Variants in PDE4D observed in about 807,000 individuals in gnomAD.
PDE4D encodes the protein 3',5'-cyclic-AMP phosphodiesterase 4D.
Under a neutral mutation model 87.4 loss-of-function variants are expected in PDE4D, and 24 were observed. The observed-to-expected ratio is 0.27, with a 90% CI of 0.20 to 0.39. The LOEUF (loss-of-function observed/expected upper bound fraction) is 0.39, where lower values mean the gene tolerates loss of function less well. Ranked by LOEUF, PDE4D falls within the 10% of genes least tolerant of loss-of-function variation. The pLI, the probability that PDE4D is intolerant of heterozygous loss-of-function variation, is 1.00. For synonymous variants in PDE4D, 384 were observed against 383.2 expected, an observed-to-expected ratio of 1.00 and a Z score of -0.02; for missense variants, 714 against 1,041.0, an observed-to-expected ratio of 0.69 and a Z score of 4.32.
intron 1 of PDE4D, among the ~76,000 whole-genome samples, chr5:59,311,981 A>G (rs1000839433): frequency 6.6e-6 from 1 of 151,818 alleles, no homozygotes. Context: ...AGGAAAAACT[A>G]CCTCCTCCTT....
intron 6 of PDE4D, among the ~76,000 whole-genome samples, chr5:59,001,426 C>T (rs1750513384): frequency 6.6e-6 from 1 of 152,148 alleles, no homozygotes; most frequent in Non-Finnish European, 1.5e-5. Flanking sequence ...TTCTATTGGC[C>T]TTTAGCTGCT....
At chr5:59,191,048 C>CTA (rs1744186928) in intron 3 of PDE4D, among the ~76,000 whole-genome samples, 1 of 152,112 alleles carries the variant, frequency 6.6e-6, no homozygotes, top group South Asian at 2.1e-4. Flanking sequence ...TCAGATATGC[C>CTA]TATAAATTAT....
chr5:59,175,503 A>T (rs1321918309), intron 5 of PDE4D, among the ~76,000 whole-genome samples: 24 of 95,594 alleles, frequency 2.5e-4, no homozygotes, highest in Admixed American at 6.7e-4. Context: ...TTTTTTTGAG[A>T]CGGTGTCTCA....
intron 5 of PDE4D, among the ~76,000 whole-genome samples, chr5:59,072,427 T>C (rs562263308): frequency 1.3e-5 from 2 of 152,318 alleles, no homozygotes; most frequent in Non-Finnish European, 2.9e-5. Flanking sequence ...CCTTGTGTTA[T>C]CATGAACACA....
chr5:58,988,649 G>A, intron 10 of PDE4D, 57 bp from the exon 11 acceptor site: 1 of 716,096 alleles, frequency 1.4e-6, no homozygotes, highest in Admixed American at 3.4e-5. Context: ...TGAATTAAAA[G>A]TATAAACAAA....
intron 1 of PDE4D, among the ~76,000 whole-genome samples, chr5:59,684,329 A>AT (rs1580395877): frequency 6.6e-6 from 1 of 151,938 alleles, no homozygotes; most frequent in South Asian, 2.1e-4. Context: ...ATGTTTTATC[A>AT]TTTTTTTCTG....
At chr5:60,396,513 T>C (rs1212507705) in intron 1 of PDE4D, among the ~76,000 whole-genome samples, 1 of 152,194 alleles carries the variant, frequency 6.6e-6, no homozygotes, top group East Asian at 1.9e-4. Context: ...AACTCCTTTT[T>C]TTTATTCTTT....
At chr5:59,853,652 T>C (rs1057006842) in intron 1 of PDE4D, among the ~76,000 whole-genome samples, 8 of 152,050 alleles carry the variant, frequency 5.3e-5, no homozygotes, top group Admixed American at 5.3e-4. Flanking sequence ...AAACTATAAA[T>C]GTATGCTCAA....
chr5:58,996,553 G>A (rs1749275199), intron 6 of PDE4D, among the ~76,000 whole-genome samples: 1 of 152,074 alleles, frequency 6.6e-6, no homozygotes, highest in South Asian at 2.1e-4. Flanking sequence ...AGGAACTGCT[G>A]CCCTCCTTGC....
chr5:60,463,667 T>C (rs1343591009), intron 1 of PDE4D, among the ~76,000 whole-genome samples: 2 of 152,232 alleles, frequency 1.3e-5, no homozygotes, highest in African/African-American at 4.8e-5. Context: ...CTGACCAGCA[T>C]GCAGTCATGC....
chr5:60,261,689 G>A (rs1048022443), intron 1 of PDE4D, among the ~76,000 whole-genome samples: 5 of 152,062 alleles, frequency 3.3e-5, no homozygotes, highest in African/African-American at 1.2e-4. Context: ...AAATTTTAAT[G>A]ATTTTTTAAA....
At chr5:59,442,481 A>T (rs1245513869) in intron 1 of PDE4D, among the ~76,000 whole-genome samples, 2 of 152,234 alleles carry the variant, frequency 1.3e-5, no homozygotes, top group African/African-American at 2.4e-5. Flanking sequence ...GCTCATACTC[A>T]CTGTGAAGAG....
At chr5:58,985,668 TTGGAC>T (rs1324805786) in intron 11 of PDE4D, among the ~76,000 whole-genome samples, 5 of 152,166 alleles carry the variant, frequency 3.3e-5, no homozygotes, top group Non-Finnish European at 7.4e-5. Flanking sequence ...GCTGCAGGCT[TTGGAC>T]AGGATGGCAG....
intron 1 of PDE4D, among the ~76,000 whole-genome samples, chr5:59,496,453 A>T (rs989330268): frequency 1.3e-5 from 2 of 151,926 alleles, no homozygotes; most frequent in Non-Finnish European, 2.9e-5. Context: ...CTCGCCAGGG[A>T]CTCACCCTTC....
At chr5:59,326,441 C>G (rs976086494) in intron 1 of PDE4D, among the ~76,000 whole-genome samples, 4 of 151,860 alleles carry the variant, frequency 2.6e-5, no homozygotes, top group East Asian at 1.9e-4. Flanking sequence ...GTAGCCCCCC[C>G]CAAGACACAT....
At chr5:59,719,933 A>G (rs1367693283) in intron 1 of PDE4D, among the ~76,000 whole-genome samples, 1 of 152,184 alleles carries the variant, frequency 6.6e-6, no homozygotes, top group East Asian at 1.9e-4. Flanking sequence ...CTATTTCTCA[A>G]GAACATCCAT....
intron 1 of PDE4D, among the ~76,000 whole-genome samples, chr5:59,706,171 T>C (rs1471949228): frequency 1.3e-5 from 2 of 152,174 alleles, no homozygotes; most frequent in African/African-American, 4.8e-5. Flanking sequence ...TGTGGGTTAC[T>C]AGGTTCCATT....
chr5:59,670,147 T>C (rs1746951930), intron 1 of PDE4D, among the ~76,000 whole-genome samples: 2 of 152,282 alleles, frequency 1.3e-5, no homozygotes, highest in African/African-American at 4.8e-5. Flanking sequence ...CTCAGTTTTC[T>C]CCTCTAAAAT....
chr5:59,260,691 G>A lies in PDE4D; in HGVS notation c.456-44723C>T, dbSNP rs141915085. ...TAACAATTTATAAGAAAGTCAAATC[G>A]TCAATATAACAGAAACAGTGAAAAA... On this transcript the variant is annotated intron_variant, in intron 1 of 14. Coordinates refer to ENST00000340635, the MANE Select transcript of PDE4D (RefSeq NM_001104631.2). 2.0e-3 allele frequency among the ~76,000 whole-genome samples: 307 copies of A among 151,498 alleles called. 2 individuals are homozygous for A. Among genetic ancestry groups the A allele is most frequent in the Non-Finnish European group, 2.5e-3 (170 of 67,736 alleles).
Sources: gnomAD v4.1 joint callset for allele counts (sites outside exome capture counted in the v4.1 genomes callset) on GRCh38, gnomAD v4.1.1 for gene constraint, MANE v1.5 for transcripts, NCBI Gene and HGNC (gene_info 2026-07-23, HGNC 2026-07-21) for gene names.